The following NLGN1 variants were observed in gnomAD, a reference collection of about 807,000 sequenced individuals.
NLGN1 encodes the protein neuroligin-1.
In NLGN1, 12 loss-of-function variants were observed where a neutral mutation model predicts 65.5. The observed-to-expected ratio is 0.18, with a 90% CI of 0.12 to 0.30. The LOEUF (loss-of-function observed/expected upper bound fraction) is 0.30, where lower values mean the gene tolerates loss of function less well. Ranked by LOEUF, NLGN1 falls within the 10% of genes least tolerant of loss-of-function variation. The probability of loss-of-function intolerance (pLI) is 1.00; values close to 1 mark genes in which losing one functional copy is unlikely to be tolerated. For synonymous variants in NLGN1, 350 were observed against 359.5 expected (o/e 0.97, Z 0.30); for missense variants, 750 against 1,007.1 (o/e 0.74, Z 3.46).
At chr3:173,445,291 A>AC (rs1720046010) in intron 2 of NLGN1, among the ~76,000 whole-genome samples, 1 of 150,434 alleles carries the variant, frequency 6.6e-6, no homozygotes, top group African/African-American at 2.4e-5. Context: ...AAAAAAAAAA[A>AC]AAAACAAGGA....
At chr3:173,471,117 A>G (rs978933743) in intron 2 of NLGN1, among the ~76,000 whole-genome samples, 1 of 152,158 alleles carries the variant, frequency 6.6e-6, no homozygotes, top group African/African-American at 2.4e-5. Context: ...TCCTTACAGC[A>G]AATTTATTAA....
At chr3:173,861,515 CGTGTGT>C (rs145812733) in intron 4 of NLGN1, among the ~76,000 whole-genome samples, 9,340 of 141,232 alleles carry the variant, frequency 0.066, 310 homozygotes, top group Middle Eastern at 0.12. Flanking sequence ...GTAGCTGGCA[CGTGTGT>C]GTGTGTGTGT....
At chr3:174,199,971 A>T (rs146806203) in intron 4 of NLGN1, among the ~76,000 whole-genome samples, 1 of 152,186 alleles carries the variant, frequency 6.6e-6, no homozygotes. Flanking sequence ...TTTCCTGCCA[A>T]TGGCCATTTC....
In NLGN1 at chr3:173,737,436, C is replaced by A. The variant is rs376725671; in HGVS notation, c.494-70244C>A. Among the ~76,000 whole-genome samples, 57 of 152,106 alleles carry A rather than the reference C, an allele frequency of 3.7e-4. No homozygotes were observed. In the East Asian group the frequency reaches 9.5e-3, roughly 25 times the overall value. On this transcript the variant is annotated intron_variant, in intron 3 of 6. Coordinates refer to ENST00000457714, the Ensembl canonical transcript of NLGN1. ...CAGTCACTACCCATTTCCTCTCAAC[C>A]CCTCACCTCTAGACAACCATTAATC...
intron 2 of NLGN1, among the ~76,000 whole-genome samples, chr3:173,437,377 C>T (rs1175336274): frequency 6.6e-6 from 1 of 152,150 alleles, no homozygotes; most frequent in Non-Finnish European, 1.5e-5. Context: ...TGACCAGAAG[C>T]CCTTTAAGAT....
At chr3:173,638,000 A>G (rs549567291) in intron 3 of NLGN1, among the ~76,000 whole-genome samples, 1 of 152,300 alleles carries the variant, frequency 6.6e-6, no homozygotes, top group East Asian at 1.9e-4. Flanking sequence ...GAAGATATAT[A>G]CTAATAGGTG....
rs5854552 is a variant in NLGN1 at position 174,094,746 on chromosome 3, TAAAA to T, written c.647-180549_647-180546del. ...CCTGCTCATTGTTCCTTGGCTCCGC[TAAAA>T]AAAAAAAAAAAAAAAAAAAGTCAAG... On this transcript the variant is annotated intron_variant, in intron 4 of 6. Transcript: ENST00000457714. 3.1e-4 allele frequency among the ~76,000 whole-genome samples: 28 copies of T among 88,906 alleles called. 1 individual carries two copies. The South Asian group carries it at 0.012, about 38-fold the overall frequency. 58.3% of individuals were successfully genotyped at this position (88,906 alleles called of 152,430 possible).
chr3:173,611,176 A>G (rs948121594), intron 3 of NLGN1, among the ~76,000 whole-genome samples: 1 of 152,066 alleles, frequency 6.6e-6, no homozygotes, highest in Non-Finnish European at 1.5e-5. Context: ...ATGTTAAGGA[A>G]AATGAAGATA....
chr3:173,812,820 T>A (rs1034494347), intron 4 of NLGN1, among the ~76,000 whole-genome samples: 5 of 148,062 alleles, frequency 3.4e-5, no homozygotes, highest in Non-Finnish European at 6.0e-5. Flanking sequence ...TATAAAACTT[T>A]GGTGTGGTCA....
intron 4 of NLGN1, among the ~76,000 whole-genome samples, chr3:173,977,604 C>A (rs115460885): frequency 6.6e-6 from 1 of 151,748 alleles, no homozygotes; most frequent in East Asian, 1.9e-4. Flanking sequence ...TTCAACAAGC[C>A]GGCTTGTGAT....
chr3:174,186,170 C>T (rs1731359722), intron 4 of NLGN1, among the ~76,000 whole-genome samples: 1 of 152,110 alleles, frequency 6.6e-6, no homozygotes, highest in African/African-American at 2.4e-5. Flanking sequence ...ACATCTACTT[C>T]ATGTGTGCAT....
At chr3:173,539,640 A>ATAACATATATGTATATATG (rs1553879348) in intron 2 of NLGN1, among the ~76,000 whole-genome samples, 20 of 111,768 alleles carry the variant, frequency 1.8e-4, no homozygotes, top group African/African-American at 3.3e-4. Flanking sequence ...ATACACATAT[A>ATAACATATATGTATATATG]TACATATATA....
intron 4 of NLGN1, among the ~76,000 whole-genome samples, chr3:173,858,199 C>T (rs1236949444): frequency 6.6e-6 from 1 of 152,024 alleles, no homozygotes; most frequent in Non-Finnish European, 1.5e-5. Context: ...GATTTCCAGC[C>T]TCTTTTCTTC....
exon 7 of NLGN1, chr3:174,281,041 A>G (rs747525765): frequency 6.2e-7 from 1 of 1,613,364 alleles, no homozygotes; most frequent in African/African-American, 1.3e-5. Context: ...CAAATGAAGC[A>G]CACTGATTTG....
intron 4 of NLGN1, among the ~76,000 whole-genome samples, chr3:174,091,411 CAAAT>C (rs1012852805): frequency 1.4e-4 from 21 of 152,140 alleles, no homozygotes; most frequent in African/African-American, 5.1e-4. Flanking sequence ...AAGAAAAACT[CAAAT>C]TAATAATAGG....
At chr3:173,913,050 T>C (rs1002402961) in intron 4 of NLGN1, among the ~76,000 whole-genome samples, 3 of 152,124 alleles carry the variant, frequency 2.0e-5, no homozygotes, top group Non-Finnish European at 4.4e-5. Flanking sequence ...CTCTTCCACT[T>C]AAGAATACCC....
At chr3:173,906,878 C>CAAAAAAAAAAAAAAAAAAAA (rs1224471514) in intron 4 of NLGN1, among the ~76,000 whole-genome samples, 1 of 88,272 alleles carries the variant, frequency 1.1e-5, no homozygotes, top group African/African-American at 3.9e-5. Flanking sequence ...CAAACAAAAA[C>CAAAAAAAAAAAAAAAAAAAA]AAAAAAAAAA....
chr3:173,768,568 A>G (rs1374461686), intron 3 of NLGN1, among the ~76,000 whole-genome samples: 7 of 152,074 alleles, frequency 4.6e-5, no homozygotes. Context: ...ACATATGCCA[A>G]ATATTTCCTG....
chr3:173,430,298 T>A (rs1358656071), intron 1 of NLGN1, among the ~76,000 whole-genome samples: 1 of 152,148 alleles, frequency 6.6e-6, no homozygotes, highest in East Asian at 1.9e-4. Context: ...GGTGATAATC[T>A]TGGCCCTAGA....
Sources: allele counts gnomAD v4.1 joint callset (sites outside exome capture counted in the v4.1 genomes callset), GRCh38; gene constraint gnomAD v4.1.1; transcripts MANE v1.5; gene names NCBI Gene and HGNC (gene_info 2026-07-23, HGNC 2026-07-21).